EPB41: variants seen among roughly 807,000 people sequenced by gnomAD.
EPB41 encodes the protein protein 4.1.
Under a neutral mutation model 108.0 loss-of-function variants are expected in EPB41, and 65 were observed. The ratio of observed to expected loss-of-function variants is 0.60; its 90% CI spans 0.49 to 0.74. The LOEUF is 0.74. Ranked by LOEUF, EPB41 falls within the 30% of genes least tolerant of loss-of-function variation. The pLI is 0.00. For missense variants in EPB41, 875 were observed against 1,037.0 expected (o/e 0.84, Z 2.15); for synonymous variants, 336 against 358.9 (o/e 0.94, Z 0.72).
At chr1:28,891,033 A>AG in intron 1 of EPB41, 1 of 976,226 alleles carries the variant, frequency 1.0e-6, no homozygotes. Context: ...AAAGGGGCAG[A>AG]GGGAGCAACC....
At chr1:28,964,637 A>G (rs2095316155) in intron 1 of EPB41, among the ~76,000 whole-genome samples, 1 of 152,054 alleles carries the variant, frequency 6.6e-6, no homozygotes, top group African/African-American at 2.4e-5. Flanking sequence ...AAAATAAATA[A>G]ATAAATAAAA....
chr1:28,900,798 C>T (rs2091207309), intron 1 of EPB41, among the ~76,000 whole-genome samples: 1 of 152,166 alleles, frequency 6.6e-6, no homozygotes, highest in African/African-American at 2.4e-5. Flanking sequence ...CACTTCCACC[C>T]CAGGGACTTT....
chr1:29,061,656 T>G (rs1040781067), intron 15 of EPB41, among the ~76,000 whole-genome samples: 6 of 140,288 alleles, frequency 4.3e-5, no homozygotes, highest in African/African-American at 1.6e-4. Flanking sequence ...CACTGCTTAC[T>G]GCACTCTCAG....
intron 12 of EPB41, among the ~76,000 whole-genome samples, chr1:29,057,535 C>T (rs534114868): frequency 6.6e-6 from 1 of 152,134 alleles, no homozygotes; most frequent in African/African-American, 2.4e-5. Flanking sequence ...GGGAAAATAG[C>T]ACAATGACAT....
At chr1:29,001,621 A>G (rs2096294921) in intron 4 of EPB41, among the ~76,000 whole-genome samples, 1 of 152,116 alleles carries the variant, frequency 6.6e-6, no homozygotes, top group South Asian at 2.1e-4. Flanking sequence ...TTTGTTGGGT[A>G]TAGGATTTTA....
intron 1 of EPB41, among the ~76,000 whole-genome samples, chr1:28,944,043 C>A (rs1309057931): frequency 6.6e-6 from 1 of 152,076 alleles, no homozygotes; most frequent in East Asian, 1.9e-4. Flanking sequence ...AAGAATGAGA[C>A]CCTGTTATTT....
intron 4 of EPB41, among the ~76,000 whole-genome samples, chr1:29,000,445 T>C (rs1378340153): frequency 6.6e-6 from 1 of 152,260 alleles, no homozygotes; most frequent in Non-Finnish European, 1.5e-5. Context: ...TTATTTATGT[T>C]CACCTATATA....
chr1:28,958,845 GAAAA>G (rs1203814593), intron 1 of EPB41, among the ~76,000 whole-genome samples: 10 of 143,260 alleles, frequency 7.0e-5, no homozygotes, highest in African/African-American at 2.6e-4. Context: ...AAAAAAGAAA[GAAAA>G]AAGAGAATAA....
At position 28,925,916 on chromosome 1, in the gene EPB41, A is replaced by G. The variant is rs930790748; in HGVS notation, c.-8+11148A>G. Among the ~76,000 whole-genome samples, 15 of 152,284 alleles carry G rather than the reference A, an allele frequency of 9.9e-5. 1 individual carries two copies. The highest frequency in any genetic ancestry group is 7.8e-4 in the Admixed American group (12 of 15,296). On this transcript the variant is annotated intron_variant, in intron 1 of 20. Coordinates refer to ENST00000343067, the MANE Select transcript of EPB41 (RefSeq NM_001376013.1). ...GTTAAGTGAGCAGGACTCTGTTTAT[A>G]TATGTGATCACAAAAATATAAAAGA...
chr1:29,068,712 A>G, intron 16 of EPB41: 1 of 1,230,910 alleles, frequency 8.1e-7, no homozygotes, highest in Non-Finnish European at 1.0e-6. Context: ...ACTGAATTTT[A>G]TATAATTTGT....
chr1:28,992,316 A>G (rs2096043430), intron 2 of EPB41, among the ~76,000 whole-genome samples: 1 of 152,228 alleles, frequency 6.6e-6, no homozygotes, highest in Non-Finnish European at 1.5e-5. Flanking sequence ...AGGAAGTAAC[A>G]TATTCTTTTA....
At position 29,075,098 on chromosome 1, in the gene EPB41, A is replaced by G. The variant is rs1014230954; in HGVS notation, c.2184+9940A>G. ...CATGAACCTGGGAGGCGGAGCTTGC[A>G]GTGAGCCGAGATCACGCCACTGCAC... On this transcript the variant is annotated intron_variant, in intron 16 of 20. Transcript: ENST00000343067. Among the ~76,000 whole-genome samples, 3 of 145,542 alleles carry G rather than the reference A, an allele frequency of 2.1e-5. No individual in the cohort carries two copies. The Admixed American group carries it at 2.2e-4, about 10-fold the overall frequency.
At chr1:28,921,961 T>TATATATATATATATATATATAA (rs770764638) in intron 1 of EPB41, among the ~76,000 whole-genome samples, 2 of 109,936 alleles carry the variant, frequency 1.8e-5, no homozygotes, top group African/African-American at 3.5e-5. Context: ...TATATATATA[T>TATATATATATATATATATATAA]ACACTTTTTT....
At chr1:28,933,649 C>G (rs1419315776) in intron 1 of EPB41, among the ~76,000 whole-genome samples, 1 of 152,170 alleles carries the variant, frequency 6.6e-6, no homozygotes, top group Non-Finnish European at 1.5e-5. Flanking sequence ...CATTTCATAG[C>G]ATTGATGCGT....
At chr1:28,970,486 G>A (rs934449043) in intron 1 of EPB41, among the ~76,000 whole-genome samples, 1 of 152,032 alleles carries the variant, frequency 6.6e-6, no homozygotes, top group Non-Finnish European at 1.5e-5. Context: ...AAATCTTCAG[G>A]CTTTGTTTAT....
At chr1:29,114,740 A>C (rs747364957) in intron 19 of EPB41, among the ~76,000 whole-genome samples, 8 of 152,074 alleles carry the variant, frequency 5.3e-5, no homozygotes, top group Non-Finnish European at 7.4e-5. Context: ...AAAATGCAAA[A>C]AATTACATTA....
intron 16 of EPB41, among the ~76,000 whole-genome samples, chr1:29,080,235 C>T (rs1655980483): frequency 6.6e-6 from 1 of 151,720 alleles, no homozygotes; most frequent in East Asian, 1.9e-4. Flanking sequence ...TCTCCTGCCT[C>T]AGTCTCCCGA....
intron 1 of EPB41, among the ~76,000 whole-genome samples, chr1:28,934,352 A>G (rs2093891019): frequency 6.6e-6 from 1 of 152,116 alleles, no homozygotes; most frequent in Non-Finnish European, 1.5e-5. Context: ...TGCTGTAAAG[A>G]TACTTTCCCC....
At chr1:29,014,381 A>C (rs1321785812) in intron 5 of EPB41, among the ~76,000 whole-genome samples, 2 of 152,086 alleles carry the variant, frequency 1.3e-5, no homozygotes, top group Non-Finnish European at 2.9e-5. Context: ...TTTTAAATTT[A>C]ATTTTTAAAA....
Sources: gnomAD v4.1 joint callset for allele counts (sites outside exome capture counted in the v4.1 genomes callset) on GRCh38, gnomAD v4.1.1 for gene constraint, MANE v1.5 for transcripts, NCBI Gene and HGNC (gene_info 2026-07-23, HGNC 2026-07-21) for gene names.